BABAM2: variants seen among roughly 807,000 people sequenced by gnomAD.
The protein encoded by BABAM2 is BRISC and BRCA1 A complex member 2.
A neutral mutation model predicts 54.7 loss-of-function variants in BABAM2; 31 were observed. The ratio of observed to expected loss-of-function variants is 0.57; its 90% CI spans 0.43 to 0.77. The LOEUF (loss-of-function observed/expected upper bound fraction) is 0.77, where lower values mean the gene tolerates loss of function less well. Ranked by LOEUF, BABAM2 falls within the 30% of genes least tolerant of loss-of-function variation. The pLI is 0.00. For missense variants in BABAM2, 364 were observed against 455.8 expected (o/e 0.80, Z 1.83); for synonymous variants, 167 against 162.9 (o/e 1.03, Z -0.19).
At chr2:28,028,211 C>T (rs748180596) in intron 5 of BABAM2, among the ~76,000 whole-genome samples, 5 of 152,160 alleles carry the variant, frequency 3.3e-5, no homozygotes, top group East Asian at 3.9e-4. Context: ...CCGCCTTCAA[C>T]TCCTTGCCTC....
At chr2:28,058,550 A>AATAT (rs201883842) in intron 6 of BABAM2, among the ~76,000 whole-genome samples, 5 of 149,624 alleles carry the variant, frequency 3.3e-5, no homozygotes, top group Admixed American at 2.7e-4. Context: ...GTGTATATAA[A>AATAT]ATATATATAT....
chr2:28,212,910 G>T (rs180908511), intron 7 of BABAM2, among the ~76,000 whole-genome samples: 2 of 152,070 alleles, frequency 1.3e-5, no homozygotes, highest in Non-Finnish European at 2.9e-5. Context: ...CTTACCAAAA[G>T]GTGCTAGGCA....
intron 7 of BABAM2, chr2:28,233,313 G>C (rs1361648896): frequency 2.1e-6 from 1 of 470,308 alleles, no homozygotes; most frequent in Admixed American, 2.4e-5. Flanking sequence ...CAGCCCTGCA[G>C]TCCCGGGAAT....
intron 6 of BABAM2, among the ~76,000 whole-genome samples, chr2:28,121,562 A>G (rs1455222982): frequency 6.6e-6 from 1 of 152,180 alleles, no homozygotes; most frequent in East Asian, 1.9e-4. Context: ...TAGCAAGTCA[A>G]GAGCACTTTT....
chr2:28,288,419 C>T (rs1295939432), intron 10 of BABAM2, among the ~76,000 whole-genome samples: 2 of 151,546 alleles, frequency 1.3e-5, no homozygotes, highest in South Asian at 2.1e-4. Flanking sequence ...TCCCCCTCCC[C>T]GGTTCAAGCA....
intron 6 of BABAM2, among the ~76,000 whole-genome samples, chr2:28,095,702 G>C (rs999264724): frequency 6.6e-6 from 1 of 152,172 alleles, no homozygotes; most frequent in Admixed American, 6.5e-5. Context: ...GTACTCAGCT[G>C]TCCAAAAATC....
chr2:27,986,541 A>C (rs1444468202), intron 3 of BABAM2, among the ~76,000 whole-genome samples: 1 of 152,124 alleles, frequency 6.6e-6, no homozygotes, highest in Non-Finnish European at 1.5e-5. Flanking sequence ...AAGAGTATAC[A>C]GGGTGTATGA....
intron 7 of BABAM2, among the ~76,000 whole-genome samples, chr2:28,215,087 G>T (rs115799509): frequency 6.6e-6 from 1 of 152,120 alleles, no homozygotes; most frequent in South Asian, 2.1e-4. Context: ...TTACTTCTGC[G>T]TGTGTGTTTG....
At chr2:28,098,283 C>T (rs1173348975) in intron 6 of BABAM2, among the ~76,000 whole-genome samples, 9 of 152,084 alleles carry the variant, frequency 5.9e-5, no homozygotes, top group Admixed American at 5.9e-4. Context: ...AATTAATACC[C>T]ATTTATTGAA....
At chr2:28,147,599 G>A (rs1016771513) in intron 7 of BABAM2, among the ~76,000 whole-genome samples, 6 of 151,382 alleles carry the variant, frequency 4.0e-5, no homozygotes, top group Admixed American at 6.6e-5. Flanking sequence ...TCAGCCTCCC[G>A]AGTAGCTGGG....
intron 4 of BABAM2, among the ~76,000 whole-genome samples, chr2:28,015,145 G>A (rs1033062529): frequency 1.3e-5 from 2 of 152,112 alleles, no homozygotes; most frequent in African/African-American, 2.4e-5. Flanking sequence ...CAAGACTGCT[G>A]GTAGCCAGCT....
chr2:27,891,706 CT>C (rs34610951), intron 1 of BABAM2, among the ~76,000 whole-genome samples: 8 of 111,788 alleles, frequency 7.2e-5, no homozygotes, highest in Admixed American at 1.2e-4. Context: ...ACCCCCCGCC[CT>C]TTTTTTTTAG....
In BABAM2 at chr2:28,116,775, G is replaced by C. The variant is rs76416995; in HGVS notation, c.571-12496G>C. Reference sequence around the variant, plus strand: ...AGCACCTTCCTCATGCCTGGATCTTGCTGGGCACTTCCACGTACATTTGCA... The same window carrying C: ...AGCACCTTCCTCATGCCTGGATCTTCCTGGGCACTTCCACGTACATTTGCA... On this transcript the variant is annotated intron_variant, in intron 6 of 11. Coordinates refer to ENST00000379624, the MANE Select transcript of BABAM2 (RefSeq NM_199191.3). Among the ~76,000 whole-genome samples, 823 of 152,324 alleles carry C rather than the reference G, an allele frequency of 5.4e-3. 9 individuals carry two copies. Among genetic ancestry groups the C allele is most frequent in the African/African-American group, 0.018 (767 of 41,560 alleles).
At chr2:28,096,182 A>G (rs2148700625) in intron 6 of BABAM2, among the ~76,000 whole-genome samples, 1 of 152,264 alleles carries the variant, frequency 6.6e-6, no homozygotes, top group South Asian at 2.1e-4. Context: ...CAACCGAGTG[A>G]GCAGGATAGA....
At chr2:27,985,057 A>ATGTGTGTGTGTGTGTGTG (rs35552031) in intron 3 of BABAM2, among the ~76,000 whole-genome samples, 6 of 137,410 alleles carry the variant, frequency 4.4e-5, no homozygotes, top group African/African-American at 1.7e-4. Context: ...GTATTCCATG[A>ATGTGTGTGTGTGTGTGTG]TGTGTGTGTG....
At chr2:27,894,054 C>T (rs1665087744) in intron 1 of BABAM2, among the ~76,000 whole-genome samples, 1 of 150,946 alleles carries the variant, frequency 6.6e-6, no homozygotes, top group African/African-American at 2.4e-5. Flanking sequence ...TAAGTAATAG[C>T]TTCAAGCAGG....
At chr2:28,331,142 G>T (rs4666057) in intron 11 of BABAM2, among the ~76,000 whole-genome samples, 1 of 152,234 alleles carries the variant, frequency 6.6e-6, no homozygotes, top group African/African-American at 2.4e-5. Flanking sequence ...AAACTGGACC[G>T]TCTCCTTACA....
At chr2:28,019,250 T>C (rs539646973) in intron 4 of BABAM2, among the ~76,000 whole-genome samples, 3 of 152,238 alleles carry the variant, frequency 2.0e-5, no homozygotes, top group Non-Finnish European at 4.4e-5. Flanking sequence ...CAGTCTATCA[T>C]TGATGGGCAT....
At chr2:28,079,438 T>G (rs1664971161) in intron 6 of BABAM2, among the ~76,000 whole-genome samples, 1 of 152,200 alleles carries the variant, frequency 6.6e-6, no homozygotes, top group East Asian at 1.9e-4. Context: ...TTTCTTTTTG[T>G]TGTAGTACAA....
Sources: allele counts gnomAD v4.1 joint callset (sites outside exome capture counted in the v4.1 genomes callset), GRCh38; gene constraint gnomAD v4.1.1; transcripts MANE v1.5; gene names NCBI Gene and HGNC (gene_info 2026-07-23, HGNC 2026-07-21).